The following ASTN1 variants were observed in gnomAD, a reference collection of about 807,000 sequenced individuals.
The protein encoded by ASTN1 is astrotactin-1.
In ASTN1, 41 loss-of-function variants were observed where a neutral mutation model predicts 140.7. The ratio of observed to expected loss-of-function variants is 0.29; its 90% CI spans 0.23 to 0.38. The LOEUF (loss-of-function observed/expected upper bound fraction) is 0.38, where lower values mean the gene tolerates loss of function less well. ASTN1 is among the 10% of genes least tolerant of loss of function. The probability of loss-of-function intolerance (pLI) is 1.00; values close to 1 mark genes in which losing one functional copy is unlikely to be tolerated. For missense variants in ASTN1, 1,479 were observed against 1,678.8 expected, an observed-to-expected ratio of 0.88 and a Z score of 2.08; for synonymous variants, 640 against 652.2, an observed-to-expected ratio of 0.98 and a Z score of 0.29.
intron 1 of ASTN1, among the ~76,000 whole-genome samples, chr1:177,080,280 AAC>A (rs1679117630): frequency 1.3e-5 from 2 of 151,040 alleles, no homozygotes; most frequent in Non-Finnish European, 2.9e-5. Context: ...AAAAAAAAAA[AAC>A]CGGTATCACA....
At chr1:177,096,498 T>C (rs761918933) in intron 1 of ASTN1, among the ~76,000 whole-genome samples, 2 of 152,154 alleles carry the variant, frequency 1.3e-5, no homozygotes, top group Admixed American at 6.6e-5. Context: ...TGGATTAATG[T>C]TTGATATAGT....
At chr1:177,150,505 G>T (rs899198281) in intron 1 of ASTN1, among the ~76,000 whole-genome samples, 1 of 152,134 alleles carries the variant, frequency 6.6e-6, no homozygotes, top group African/African-American at 2.4e-5. Flanking sequence ...TAAAGGAAAA[G>T]ATGTCAGAGC....
rs750297864 is a variant in ASTN1, at chr1:176,949,294, C to T, written c.1945G>A (p.Gly649Arg). 3 of 1,614,086 alleles carry T rather than the reference C, an allele frequency of 1.9e-6. No homozygotes were observed. The highest frequency in any genetic ancestry group is 1.3e-5 in the African/African-American group (1 of 75,038). Residue 649 changes from glycine to arginine, a missense_variant, in exon 12 of 23, where the codon GGG becomes AGG. By Grantham distance (125) the Gly-to-Arg change is moderately radical. Transcript: ENST00000361833. ...DSSGCYDRHI[G>R]VDCSDGFNGG... ...TTGAAGCCGTCGGAACAGTCCACCC[C>T]GATGTGGCGGTCATAGCAGCCAGAG...
At chr1:177,161,214 T>C (rs1485306215) in intron 1 of ASTN1, among the ~76,000 whole-genome samples, 2 of 152,164 alleles carry the variant, frequency 1.3e-5, no homozygotes, top group Non-Finnish European at 2.9e-5. Context: ...AGTTTTGAAG[T>C]GGAGAGCCAC....
intron 8 of ASTN1, among the ~76,000 whole-genome samples, chr1:177,009,015 CTA>C (rs1675151268): frequency 1.3e-5 from 2 of 152,144 alleles, no homozygotes; most frequent in Non-Finnish European, 2.9e-5. Flanking sequence ...CAGAAATTTC[CTA>C]TGTCACAGCA....
chr1:176,975,307 G>A (rs573364033), intron 8 of ASTN1, among the ~76,000 whole-genome samples: 2 of 152,218 alleles, frequency 1.3e-5, no homozygotes, highest in African/African-American at 4.8e-5. Context: ...GGGTGAACAA[G>A]GGTTCAGCAA....
At chr1:176,895,051 C>A (rs573752937) in intron 16 of ASTN1, among the ~76,000 whole-genome samples, 1 of 152,296 alleles carries the variant, frequency 6.6e-6, no homozygotes, top group African/African-American at 2.4e-5. Flanking sequence ...TAGGTTGTTC[C>A]TTTTCTGAGA....
At chr1:177,009,873 T>C in intron 8 of ASTN1, among the ~76,000 whole-genome samples, 1 of 152,216 alleles carries the variant, frequency 6.6e-6, no homozygotes, top group Non-Finnish European at 1.5e-5. Flanking sequence ...AATCTAGTGA[T>C]ATTTTATATC....
chr1:176,985,759 T>G (rs1211732869), intron 8 of ASTN1, among the ~76,000 whole-genome samples: 1 of 152,066 alleles, frequency 6.6e-6, no homozygotes, highest in African/African-American at 2.4e-5. Context: ...TTGAACCCTG[T>G]TCTCCATTAA....
chr1:176,924,386 A>G (rs1281169649), intron 16 of ASTN1, among the ~76,000 whole-genome samples: 1 of 152,184 alleles, frequency 6.6e-6, no homozygotes, highest in Non-Finnish European at 1.5e-5. Context: ...TCAGCTCAAA[A>G]TCACCGTCAC....
chr1:177,033,357 T>TCGGATA (rs1003491676), intron 2 of ASTN1, among the ~76,000 whole-genome samples: 5 of 152,164 alleles, frequency 3.3e-5, no homozygotes, highest in African/African-American at 1.2e-4. Context: ...ATTCTAAACC[T>TCGGATA]CGGATACGTC....
chr1:176,880,445 C>G (rs1307036319), intron 20 of ASTN1, among the ~76,000 whole-genome samples: 1 of 152,098 alleles, frequency 6.6e-6, no homozygotes, highest in Non-Finnish European at 1.5e-5. Context: ...TGTGAGCATG[C>G]ATTGTGATGA....
At chr1:177,094,731 G>A (rs915477791) in intron 1 of ASTN1, among the ~76,000 whole-genome samples, 8 of 152,328 alleles carry the variant, frequency 5.3e-5, no homozygotes, top group Middle Eastern at 3.4e-3. Context: ...AAATGTGAAA[G>A]TGGTTTTCAA....
intron 2 of ASTN1, among the ~76,000 whole-genome samples, chr1:177,044,953 CAG>C (rs907472370): frequency 6.6e-6 from 1 of 152,074 alleles, no homozygotes; most frequent in African/African-American, 2.4e-5. Context: ...GAGAGAAAAA[CAG>C]GGGAGGGAGA....
intron 16 of ASTN1, 123 bp downstream of exon 16, chr1:176,934,029 A>G: frequency 9.5e-7 from 1 of 1,057,812 alleles, no homozygotes; most frequent in East Asian, 2.5e-5. Context: ...ATGGGCACAG[A>G]GCATTAGGGG....
chr1:177,009,601 C>G lies in ASTN1; in HGVS notation c.1523+5190G>C, dbSNP rs139207889. Reference sequence around the variant, plus strand: ...AAATAGAAGGGAAGACAGTATGCACCTGGGACAATGAGAATGACATATTAA... The same window carrying G: ...AAATAGAAGGGAAGACAGTATGCACGTGGGACAATGAGAATGACATATTAA... On this transcript the variant is annotated intron_variant, in intron 8 of 22. Coordinates refer to ENST00000361833, the MANE Select transcript of ASTN1 (RefSeq NM_004319.3). 5.1e-4 allele frequency among the ~76,000 whole-genome samples: 77 copies of G among 152,252 alleles called. 1 individual carries two copies. The East Asian group carries it at 0.014, about 28-fold the overall frequency.
chr1:177,145,832 T>C (rs1682697294), intron 1 of ASTN1, among the ~76,000 whole-genome samples: 1 of 152,208 alleles, frequency 6.6e-6, no homozygotes, highest in Admixed American at 6.5e-5. Flanking sequence ...TGCAAGACAA[T>C]TAATTCTCCC....
intron 7 of ASTN1, among the ~76,000 whole-genome samples, chr1:177,017,349 T>A (rs1268113505): frequency 6.6e-6 from 1 of 152,176 alleles, no homozygotes; most frequent in Non-Finnish European, 1.5e-5. Flanking sequence ...TCTCACAGGA[T>A]CCTTATTTCT....
intron 8 of ASTN1, among the ~76,000 whole-genome samples, chr1:176,993,741 A>C (rs577326186): frequency 6.2e-4 from 94 of 152,210 alleles, no homozygotes; most frequent in African/African-American, 2.2e-3. Flanking sequence ...ATTTTCTTCT[A>C]CTATGTATAT....
Sources: gnomAD v4.1 joint callset for allele counts (sites outside exome capture counted in the v4.1 genomes callset) on GRCh38, gnomAD v4.1.1 for gene constraint, MANE v1.5 for transcripts, NCBI Gene and HGNC (gene_info 2026-07-23, HGNC 2026-07-21) for gene names.